Variants in CLTC observed in about 807,000 individuals in gnomAD.
The protein encoded by CLTC is clathrin heavy chain.
A neutral mutation model predicts 195.8 loss-of-function variants in CLTC; 16 were observed. That is an observed-to-expected ratio of 0.08 (90% CI 0.06 to 0.12). The LOEUF (loss-of-function observed/expected upper bound fraction) is 0.12. Among genes scored for constraint, CLTC ranks in the 10% least tolerant of loss-of-function variants. CLTC has a pLI of 1.00. For synonymous variants in CLTC, 667 were observed against 689.4 expected (o/e 0.97, Z 0.51); for missense variants, 796 against 2,027.0 (o/e 0.39, Z 11.66).
chr17:59,691,187 T>C (rs1238341274), intron 31 of CLTC, among the ~76,000 whole-genome samples: 2 of 152,244 alleles, frequency 1.3e-5, no homozygotes, highest in Non-Finnish European at 2.9e-5. Flanking sequence ...CAAGTGAATA[T>C]TTAAGACAAT....
intron 6 of CLTC, among the ~76,000 whole-genome samples, chr17:59,657,939 C>T (rs1428577517): frequency 6.6e-5 from 10 of 151,576 alleles, no homozygotes; most frequent in African/African-American, 2.2e-4. Flanking sequence ...TGTCTCACGC[C>T]TGTAATCCCA....
At chr17:59,639,608 A>G (rs2031970575) in intron 1 of CLTC, among the ~76,000 whole-genome samples, 1 of 152,124 alleles carries the variant, frequency 6.6e-6, no homozygotes, top group East Asian at 1.9e-4. Flanking sequence ...CTCTGAAAAT[A>G]CCTGCAAGTT....
Position 59,624,454 on chromosome 17 carries a change from C to CTTTTTTT in CLTC, c.42+4300_42+4306dup, listed in dbSNP as rs5821272. Among the ~76,000 whole-genome samples, 21 of 98,136 alleles carry CTTTTTTT rather than the reference C, an allele frequency of 2.1e-4. 1 individual carries two copies. In the East Asian group the frequency reaches 2.7e-3, roughly 13 times the overall value. The allele number at this position is 98,136 out of a possible 152,430, so 64.4% of individuals were successfully genotyped here. A position where few individuals can be genotyped will look rare whatever the true frequency, so the allele number is the denominator to read the frequency against. ...ATAGAAAAATAATATGAGCCACATA[C>CTTTTTTT]TTTTTTTTTTTTTTTTTTTTTTTTT... On this transcript the variant is annotated intron_variant, in intron 1 of 31. Coordinates refer to ENST00000269122, the MANE Select transcript of CLTC (RefSeq NM_004859.4).
rs2033098783 is a variant in CLTC, at chr17:59,682,437, C to T, written c.3600+9C>T. The T allele has an allele frequency of 1.2e-6, 2 of 1,613,490 alleles. No individual in the cohort carries two copies. The highest frequency in any genetic ancestry group is 1.7e-6 in the Non-Finnish European group (2 of 1,179,778). On this transcript the variant is annotated intron_variant, in intron 22 of 31. Transcript: ENST00000269122. The surrounding 1 kb of genome is among the most constrained non-coding windows in gnomAD (Gnocchi z 6.8). ...ATGCTCATATCCAACAAGTGGGTTT[C>T]CTTTTCAGATTTAAGAAAAACTAGT...
chr17:59,670,887 A>T (rs1313252645), intron 14 of CLTC: 33 of 152,156 alleles, frequency 2.2e-4, no homozygotes, highest in Admixed American at 2.2e-3. Flanking sequence ...GTGGATGTGG[A>T]TTATGAGCTT....
intron 9 of CLTC, 22 bp from the exon 10 acceptor site, chr17:59,664,765 T>G: frequency 6.2e-7 from 1 of 1,610,734 alleles, no homozygotes; most frequent in Non-Finnish European, 8.5e-7. Flanking sequence ...GGAGCAGCGT[T>G]TAAGTCTTTG....
intron 6 of CLTC, chr17:59,656,360 A>G (rs915683668): frequency 1.2e-5 from 2 of 163,226 alleles, no homozygotes; most frequent in Non-Finnish European, 2.6e-5. Flanking sequence ...GTGATTCCCC[A>G]TGCAAAGAAA....
chr17:59,674,621 G>C, intron 15 of CLTC, 80 bp from the exon 16 acceptor site: 1 of 1,283,796 alleles, frequency 7.8e-7, no homozygotes, highest in African/African-American at 1.5e-5. Context: ...GCTTAAAAGC[G>C]ATAGAGATAA....
At chr17:59,643,661 CTG>C (rs1407687558) in intron 1 of CLTC, among the ~76,000 whole-genome samples, 1 of 152,216 alleles carries the variant, frequency 6.6e-6, no homozygotes, top group African/African-American at 2.4e-5. Flanking sequence ...TTTTACGTCT[CTG>C]TGCTTTACCA....
rs759531910 is a variant in CLTC at position 59,681,801 on chromosome 17, C to T, written c.3404C>T (p.Ser1135Phe). The change falls in exon 21 of 32, where the codon TCC (serine) becomes TTC (phenylalanine). Residue 1135 changes from serine to phenylalanine, a missense_variant. By Grantham distance (155) the Ser-to-Phe change is radical. Transcript: ENST00000269122. This position sits in a 1 kb window ranked among gnomAD's most constrained non-coding sequence, Gnocchi z 5.0. ...TCTTATATCAAAGCAGATGATCCTT[C>T]CTCCTACATGGAAGTTGTTCAGGCT... is the stretch of plus-strand genomic sequence containing the variant. ...IDSYIKADDPSSYMEVVQAAN... is the reference protein window; with the variant it reads ...IDSYIKADDPFSYMEVVQAAN... 2 of 1,613,772 alleles carry T rather than the reference C, an allele frequency of 1.2e-6. No individual in the cohort carries two copies. Among genetic ancestry groups the T allele is most frequent in the Admixed American group, 1.7e-5 (1 of 60,014 alleles).
intron 5 of CLTC, among the ~76,000 whole-genome samples, chr17:59,653,969 C>T (rs1404411233): frequency 1.3e-5 from 2 of 151,536 alleles, no homozygotes; most frequent in Admixed American, 6.6e-5. Flanking sequence ...GTTGGGGTTT[C>T]GCCATGTTGG....
At chr17:59,654,792 A>C (rs1480052322) in intron 5 of CLTC, among the ~76,000 whole-genome samples, 1 of 152,252 alleles carries the variant, frequency 6.6e-6, no homozygotes, top group East Asian at 1.9e-4. Context: ...ATAACATTTT[A>C]AAAGAGAAAA....
In CLTC at chr17:59,683,074, C is replaced by T. The variant is rs2143595346; in HGVS notation, c.3874-21C>T. On this transcript the variant is annotated intron_variant, in intron 24 of 31. Transcript: ENST00000269122. This position sits in a 1 kb window ranked among gnomAD's most constrained non-coding sequence, Gnocchi z 6.1. Reference sequence around the variant, plus strand: ...TTACCATAGATATTCTTATCTTTAACTGCACATTTCTCTTGTTCAGGATCG... The same window carrying T: ...TTACCATAGATATTCTTATCTTTAATTGCACATTTCTCTTGTTCAGGATCG... The T allele has an allele frequency of 6.2e-7, 1 of 1,613,940 alleles. No individual in the cohort carries two copies. Among genetic ancestry groups the T allele is most frequent in the Non-Finnish European group, 8.5e-7 (1 of 1,179,900 alleles).
At position 59,681,781 on chromosome 17, in the gene CLTC, T is replaced by C. The variant is rs751556992; in HGVS notation, c.3384T>C (p.Tyr1128=). The change falls in exon 21 of 32, where the codon TAT becomes TAC. Residue 1128 remains tyrosine, a synonymous_variant. Coordinates refer to ENST00000269122, the MANE Select transcript of CLTC (RefSeq NM_004859.4). The surrounding 1 kb of genome is among the most constrained non-coding windows in gnomAD (Gnocchi z 5.0). ...KGMVKEAIDS[Y]IKADDPSSYM... is the part of the protein sequence containing the mutation. ...TGGTGAAAGAAGCCATTGATTCTTA[T>C]ATCAAAGCAGATGATCCTTCCTCCT... 9.3e-6 allele frequency: 15 copies of C among 1,614,100 alleles called. No homozygotes were observed. The African/African-American group carries it at 1.2e-4, about 13-fold the overall frequency.
intron 1 of CLTC, among the ~76,000 whole-genome samples, chr17:59,630,265 G>A (rs1054364588): frequency 6.6e-6 from 1 of 152,182 alleles, no homozygotes; most frequent in East Asian, 1.9e-4. Flanking sequence ...GCCTCCCAAA[G>A]TGCTGGGATT....
chr17:59,624,221 TGTACCTGA>T (rs1273581750), intron 1 of CLTC, among the ~76,000 whole-genome samples: 1 of 152,160 alleles, frequency 6.6e-6, no homozygotes, highest in Non-Finnish European at 1.5e-5. Flanking sequence ...GAATGGGATG[TGTACCTGA>T]GTCTTCTGAC....
Position 59,682,461 on chromosome 17 carries a change from G to A in CLTC, c.3600+33G>A. 6.2e-7 allele frequency: 1 copy of A among 1,612,508 alleles called. No homozygotes were observed. Among genetic ancestry groups the A allele is most frequent in the Non-Finnish European group, 8.5e-7 (1 of 1,178,950 alleles). ...TCCTTTTCAGATTTAAGAAAAACTA[G>A]TTGGGCTACTTGATTAGCTTGGTAG... On this transcript the variant is annotated intron_variant, in intron 22 of 31. Transcript: ENST00000269122. The surrounding 1 kb of genome is among the most constrained non-coding windows in gnomAD (Gnocchi z 6.8).
intron 15 of CLTC, among the ~76,000 whole-genome samples, chr17:59,674,451 C>T (rs1271536613): frequency 6.6e-6 from 1 of 151,544 alleles, no homozygotes; most frequent in Non-Finnish European, 1.5e-5. Context: ...CTAACCAAAC[C>T]GGTAGAGACA....
At chr17:59,629,130 C>T (rs796079654) in intron 1 of CLTC, among the ~76,000 whole-genome samples, 10 of 152,252 alleles carry the variant, frequency 6.6e-5, no homozygotes, top group African/African-American at 2.2e-4. Flanking sequence ...GGGGGAAAAA[C>T]GTGTAGAGAG....
Sources: allele counts gnomAD v4.1 joint callset (sites outside exome capture counted in the v4.1 genomes callset), GRCh38; gene constraint gnomAD v4.1.1; non-coding constraint Gnocchi (gnomAD v3.1); transcripts MANE v1.5; gene names NCBI Gene and HGNC (gene_info 2026-07-23, HGNC 2026-07-21).